Variants in ZNF155 observed in about 807,000 individuals in gnomAD.
ZNF155 encodes KRAB A domain.
Under a neutral mutation model 11.9 loss-of-function variants are expected in ZNF155, and 15 were observed. That is an observed-to-expected ratio of 1.26 (90% CI 0.84 to 1.94). ZNF155 has a LOEUF of 1.94. Ranked by LOEUF, ZNF155 falls within the 30% of genes most tolerant of loss-of-function variation. The pLI, the probability that ZNF155 is intolerant of heterozygous loss-of-function variation, is 0.00. For synonymous variants in ZNF155, 212 were observed against 219.9 expected (o/e 0.96, Z 0.32); for missense variants, 602 against 639.1 (o/e 0.94, Z 0.63).
chr19:43,988,188 C>A (rs1457151364), intron 1 of ZNF155, among the ~76,000 whole-genome samples: 2 of 152,170 alleles, frequency 1.3e-5, no homozygotes, highest in Non-Finnish European at 2.9e-5. Context: ...TCTCTATATA[C>A]CATTATCTAT....
intron 1 of ZNF155, among the ~76,000 whole-genome samples, chr19:43,984,859 C>T (rs1464913274): frequency 6.6e-6 from 1 of 152,030 alleles, no homozygotes; most frequent in Non-Finnish European, 1.5e-5. Flanking sequence ...GTTGCATCCA[C>T]GTTTCACGAA....
At chr19:43,991,981 G>A in intron 4 of ZNF155, 47 bp downstream of exon 4, 1 of 1,555,774 alleles carries the variant, frequency 6.4e-7, no homozygotes. Context: ...TCTCCCACCT[G>A]TTGTGCTTCT....
chr19:43,994,924 C>T (rs1975781204), intron 4 of ZNF155, among the ~76,000 whole-genome samples: 1 of 152,188 alleles, frequency 6.6e-6, no homozygotes, highest in South Asian at 2.1e-4. Context: ...GCATCTCCCA[C>T]TCCCAATCCC....
intron 1 of ZNF155, among the ~76,000 whole-genome samples, chr19:43,985,362 G>GT (rs1975400244): frequency 6.7e-6 from 1 of 150,256 alleles, no homozygotes. Flanking sequence ...CGCCGGGCCG[G>GT]TTTTTTCTTT....
chr19:43,990,112 G>A (rs147844050), intron 2 of ZNF155: 6 of 1,513,494 alleles, frequency 4.0e-6, no homozygotes, highest in South Asian at 1.2e-5. Flanking sequence ...AGATTATGGA[G>A]GTAGGTAAAA....
chr19:43,991,342 C>T (rs1040797581), intron 2 of ZNF155, among the ~76,000 whole-genome samples: 2 of 152,146 alleles, frequency 1.3e-5, no homozygotes, highest in African/African-American at 4.8e-5. Context: ...TATGAGACTT[C>T]ATCATTGCAC....
chr19:43,984,426 T>A (rs1432120931), intron 1 of ZNF155, 181 bp downstream of exon 1: 1 of 98,766 alleles, frequency 1.0e-5, no homozygotes, highest in Non-Finnish European at 1.9e-5. Flanking sequence ...TGTACTCAGG[T>A]CCACCGGAGG....
chr19:43,989,990 T>G, intron 2 of ZNF155: 2 of 1,329,694 alleles, frequency 1.5e-6, no homozygotes, highest in Non-Finnish European at 2.0e-6. Flanking sequence ...ATCAAATAAG[T>G]GAGAATAATA....
chr19:43,991,741 C>G (rs1431932888), intron 3 of ZNF155, 67 bp downstream of exon 3: 14 of 1,608,104 alleles, frequency 8.7e-6, no homozygotes, highest in Non-Finnish European at 1.2e-5. Context: ...TTAGAGTGTT[C>G]AAGTTTGAGT....
rs1395114842 is a variant in ZNF155, at chr19:43,996,074, T to G, written c.236-19T>G. On this transcript the variant is annotated intron_variant, in intron 4 of 4. Transcript: ENST00000270014. ...AAAGGCTTCACCTGTACACATCTCTTAAATCTGTGTCTTTATAGGAGGCAA... is the reference window on the plus strand; with the variant it reads ...AAAGGCTTCACCTGTACACATCTCTGAAATCTGTGTCTTTATAGGAGGCAA... The G allele has an allele frequency of 1.3e-6, 2 of 1,576,886 alleles. No individual in the cohort carries two copies. The highest frequency in any genetic ancestry group is 2.4e-5 in the South Asian group (2 of 83,978).
chr19:43,988,643 C>G (rs370250305), intron 2 of ZNF155, 85 bp downstream of exon 2: 2 of 1,467,048 alleles, frequency 1.4e-6, no homozygotes, highest in African/African-American at 2.8e-5. Flanking sequence ...TGAGAAGACT[C>G]AAGGGGAAAA....
intron 1 of ZNF155, among the ~76,000 whole-genome samples, chr19:43,987,543 T>C (rs1165517453): frequency 6.6e-6 from 1 of 152,214 alleles, no homozygotes; most frequent in Non-Finnish European, 1.5e-5. Flanking sequence ...CTTCCTATTG[T>C]AACATAACAG....
intron 1 of ZNF155, among the ~76,000 whole-genome samples, chr19:43,984,964 G>A (rs921623807): frequency 2.6e-5 from 4 of 152,192 alleles, no homozygotes; most frequent in Non-Finnish European, 5.9e-5. Context: ...AGAGCTGCAG[G>A]GAGGGACTTG....
chr19:43,985,533 CTTTTTTTTTTTTTT>C (rs752604890), intron 1 of ZNF155, among the ~76,000 whole-genome samples: 17 of 97,876 alleles, frequency 1.7e-4, no homozygotes, highest in African/African-American at 6.0e-4. Context: ...TGCTCTTTTT[CTTTTTTTTTTTTTT>C]TTTTTTTTCC....
At chr19:43,991,734 G>C (rs2147387516) in intron 3 of ZNF155, 60 bp downstream of exon 3, 1 of 1,610,180 alleles carries the variant, frequency 6.2e-7, no homozygotes, top group South Asian at 1.1e-5. Flanking sequence ...TTGTACCTTA[G>C]AGTGTTCAAG....
Position 43,991,539 on chromosome 19 carries a change from ATGT to A in ZNF155, c.16-5_16-3del. On this transcript the variant is annotated splice_region_variant and splice_polypyrimidine_tract_variant and intron_variant, in intron 2 of 4. Transcript: ENST00000270014. ...ATAAGATTGAAGTTATGTCTTCTTG[ATGT>A]TGTAGGAGGCAGTGACCTTCAAGGA... The A allele has an allele frequency of 6.2e-7, 1 of 1,613,778 alleles. No individual in the cohort carries two copies. Among genetic ancestry groups the A allele is most frequent in the East Asian group, 2.2e-5 (1 of 44,866 alleles).
chr19:43,991,223 G>A (rs147669120), intron 2 of ZNF155, among the ~76,000 whole-genome samples: 44 of 152,198 alleles, frequency 2.9e-4, no homozygotes, highest in African/African-American at 9.9e-4. Flanking sequence ...AATGTTGCTG[G>A]GGCAGTTGGC....
At chr19:43,985,890 A>G (rs415521) in intron 1 of ZNF155, among the ~76,000 whole-genome samples, 47,744 of 152,044 alleles carry the variant, frequency 0.31, 7,594 homozygotes, top group Middle Eastern at 0.43. Flanking sequence ...CTTAGTTCCC[A>G]GTAGAATGAG....
At chr19:43,994,350 A>G (rs192333624) in intron 4 of ZNF155, among the ~76,000 whole-genome samples, 44 of 152,338 alleles carry the variant, frequency 2.9e-4, no homozygotes, top group Non-Finnish European at 5.3e-4. Context: ...TATGCTGTGC[A>G]AAATTCTTGT....
Sources: gnomAD v4.1 joint callset for allele counts (sites outside exome capture counted in the v4.1 genomes callset) on GRCh38, gnomAD v4.1.1 for gene constraint, MANE v1.5 for transcripts, NCBI Gene and HGNC (gene_info 2026-07-23, HGNC 2026-07-21) for gene names.